The following SCML4 variants were observed in gnomAD, a reference collection of about 807,000 sequenced individuals.
SCML4 encodes the protein sex comb on midleg-like protein 4.
Under a neutral mutation model 41.1 loss-of-function variants are expected in SCML4, and 34 were observed. The observed-to-expected ratio is 0.83, with a 90% CI of 0.63 to 1.10. The LOEUF (loss-of-function observed/expected upper bound fraction) is 1.10, where lower values mean the gene tolerates loss of function less well. SCML4 is among the 50% of genes least tolerant of loss of function. The pLI is 0.00. For synonymous variants in SCML4, 214 were observed against 220.9 expected, an observed-to-expected ratio of 0.97 and a Z score of 0.28; for missense variants, 522 against 534.1, an observed-to-expected ratio of 0.98 and a Z score of 0.22.
intron 1 of SCML4, among the ~76,000 whole-genome samples, chr6:107,808,966 T>C (rs1783952968): frequency 6.6e-6 from 1 of 152,202 alleles, no homozygotes; most frequent in African/African-American, 2.4e-5. Flanking sequence ...ATCAGTGCTA[T>C]GGTTTGAATG....
At chr6:107,725,419 A>G (rs1775864699) in intron 5 of SCML4, among the ~76,000 whole-genome samples, 1 of 152,248 alleles carries the variant, frequency 6.6e-6, no homozygotes, top group African/African-American at 2.4e-5. Context: ...TTGAATAGGT[A>G]TACAGATCAA....
At chr6:107,757,631 T>G (rs1779223952) in intron 2 of SCML4, among the ~76,000 whole-genome samples, 1 of 152,232 alleles carries the variant, frequency 6.6e-6, no homozygotes, top group South Asian at 2.1e-4. Context: ...CCTCAGAGCC[T>G]GCCTTTCCTC....
the SCML4 span, among the ~76,000 whole-genome samples, chr6:107,834,356 G>A: frequency 6.6e-6 from 1 of 152,254 alleles, no homozygotes. Flanking sequence ...GTGCTATACC[G>A]AAAACAGAAT....
chr6:107,811,029 A>T (rs9320239), intron 1 of SCML4, among the ~76,000 whole-genome samples: 3,950 of 152,244 alleles, frequency 0.026, 131 homozygotes, highest in African/African-American at 0.08. Context: ...TGGTGTCTTT[A>T]TAAGTAAGAG....
intron 1 of SCML4, among the ~76,000 whole-genome samples, chr6:107,788,724 A>G (rs1226843119): frequency 6.6e-6 from 1 of 151,866 alleles, no homozygotes; most frequent in African/African-American, 2.4e-5. Context: ...GAGGAAGGCT[A>G]GGGTACTGGT....
intron 6 of SCML4, chr6:107,719,761 A>C (rs1315617854): frequency 1.1e-5 from 3 of 271,762 alleles, no homozygotes; most frequent in Non-Finnish European, 1.7e-5. Flanking sequence ...TAGGTGAGGA[A>C]ACTGAAGCAC....
rs144367603 is a variant in SCML4, at chr6:107,775,899, C to T, written c.-59-3513G>A. 2.3e-3 allele frequency among the ~76,000 whole-genome samples: 354 copies of T among 152,196 alleles called. 2 individuals are homozygous for T. The highest frequency in any genetic ancestry group is 8.1e-3 in the African/African-American group (336 of 41,500). Reference sequence around the variant, plus strand: ...AATTTCCATTCAAAAAATTTAGGAACATTTCACATCAAGACACGAAAGTGC... The same window carrying T: ...AATTTCCATTCAAAAAATTTAGGAATATTTCACATCAAGACACGAAAGTGC... On this transcript the variant is annotated intron_variant, in intron 1 of 7. Transcript: ENST00000369020.
intron 1 of SCML4, 96 bp from the exon 2 acceptor site, chr6:107,772,482 C>G: frequency 1.5e-6 from 1 of 649,304 alleles, no homozygotes; most frequent in Non-Finnish European, 2.5e-6. Flanking sequence ...TTGGCGATAC[C>G]TACCACTTAT....
intron 1 of SCML4, among the ~76,000 whole-genome samples, chr6:107,799,142 T>C (rs949136633): frequency 5.3e-5 from 8 of 152,220 alleles, no homozygotes; most frequent in African/African-American, 1.9e-4. Context: ...TTCTGTCAGT[T>C]ACTAAAACTG....
chr6:107,721,225 C>T (rs1027459590), intron 5 of SCML4, among the ~76,000 whole-genome samples: 7 of 152,106 alleles, frequency 4.6e-5, no homozygotes, highest in African/African-American at 1.7e-4. Context: ...GTGTGCTCCT[C>T]GGTGCTTAGA....
At chr6:107,774,994 C>CT (rs1016126307) in intron 1 of SCML4, among the ~76,000 whole-genome samples, 3 of 148,418 alleles carry the variant, frequency 2.0e-5, no homozygotes, top group Non-Finnish European at 4.5e-5. Flanking sequence ...GAGACTCCAT[C>CT]TAAAAAAAAA....
the SCML4 span, among the ~76,000 whole-genome samples, chr6:107,843,128 G>A: frequency 9.5e-4 from 145 of 152,178 alleles, 2 homozygotes; most frequent in African/African-American, 3.2e-3. Context: ...TTGGGAGAAC[G>A]AATGGCCAAG....
chr6:107,744,414 C>G (rs1777871586), intron 5 of SCML4, among the ~76,000 whole-genome samples: 1 of 152,188 alleles, frequency 6.6e-6, no homozygotes, highest in Non-Finnish European at 1.5e-5. Context: ...AACACTAACC[C>G]TTGCTGGAAG....
intron 5 of SCML4, among the ~76,000 whole-genome samples, chr6:107,737,167 G>T (rs1238889634): frequency 2.0e-5 from 3 of 152,240 alleles, no homozygotes; most frequent in African/African-American, 7.2e-5. Flanking sequence ...TATCTAGCAG[G>T]AAGAAGAGAT....
In SCML4 at chr6:107,745,905, A is replaced by T. The variant is rs368260953; in HGVS notation, c.488-762T>A. 3.3e-4 allele frequency: 50 copies of T among 152,290 alleles called. 1 individual carries two copies. Among genetic ancestry groups the T allele is most frequent in the African/African-American group, 1.2e-3 (48 of 41,532 alleles). The allele number at this position is 152,290 out of a possible 1,614,324, so 9.4% of individuals were successfully genotyped here. A position where few individuals can be genotyped will look rare whatever the true frequency, so the allele number is the denominator to read the frequency against. ...CCACTTGTGGGGCTGAGGTCGGAAG[A>T]TCGCTTGAGCCCGGAAGATCGAGGC... On this transcript the variant is annotated intron_variant, in intron 4 of 7. Coordinates refer to ENST00000369020, the MANE Select transcript of SCML4 (RefSeq NM_198081.5).
chr6:107,762,245 G>A (rs140172961), intron 2 of SCML4, among the ~76,000 whole-genome samples: 236 of 151,988 alleles, frequency 1.6e-3, no homozygotes, highest in African/African-American at 5.3e-3. Context: ...AAAACAGAAC[G>A]CTTGACTTCC....
At chr6:107,729,340 A>G (rs1290916536) in intron 5 of SCML4, among the ~76,000 whole-genome samples, 1 of 152,046 alleles carries the variant, frequency 6.6e-6, no homozygotes, top group Non-Finnish European at 1.5e-5. Context: ...TTGGCTGGAG[A>G]CAGCGCTCCA....
At chr6:107,711,385 C>T (rs1743449291) in intron 6 of SCML4, among the ~76,000 whole-genome samples, 1 of 152,204 alleles carries the variant, frequency 6.6e-6, no homozygotes, top group Admixed American at 6.5e-5. Context: ...TAGTTCCTAT[C>T]GCCTAGTGAT....
chr6:107,772,070 A>C (rs1780561167), intron 2 of SCML4, 102 bp downstream of exon 2: 1 of 1,029,190 alleles, frequency 9.7e-7, no homozygotes, highest in Admixed American at 3.3e-5. Context: ...TCCTGTCTCT[A>C]CCAAGCTCCC....
Sources: gnomAD v4.1 joint callset for allele counts (sites outside exome capture counted in the v4.1 genomes callset) on GRCh38, gnomAD v4.1.1 for gene constraint, MANE v1.5 for transcripts, NCBI Gene and HGNC (gene_info 2026-07-23, HGNC 2026-07-21) for gene names.